Variants in PLCL1 observed in about 807,000 individuals in gnomAD.
PLCL1 encodes the protein inactive phospholipase C-like protein 1.
A neutral mutation model predicts 84.4 loss-of-function variants in PLCL1; 41 were observed. The ratio of observed to expected loss-of-function variants is 0.49; its 90% CI spans 0.38 to 0.63. The LOEUF (loss-of-function observed/expected upper bound fraction) is 0.63. Ranked by LOEUF, PLCL1 falls within the 30% of genes least tolerant of loss-of-function variation. The probability of loss-of-function intolerance (pLI) is 0.00; values close to 1 mark genes in which losing one functional copy is unlikely to be tolerated. For missense variants in PLCL1, 1,206 were observed against 1,367.8 expected (o/e 0.88, Z 1.87); for synonymous variants, 490 against 488.3 (o/e 1.00, Z -0.05).
At chr2:198,006,089 G>A (rs570413510) in intron 1 of PLCL1, among the ~76,000 whole-genome samples, 1 of 152,220 alleles carries the variant, frequency 6.6e-6, no homozygotes, top group Admixed American at 6.5e-5. Flanking sequence ...GAGAAAAGAG[G>A]GACAGTTCAC....
intron 1 of PLCL1, among the ~76,000 whole-genome samples, chr2:197,850,119 G>A (rs1687205969): frequency 6.6e-6 from 1 of 151,682 alleles, no homozygotes; most frequent in Admixed American, 6.6e-5. Context: ...CCAGGTAGTG[G>A]TATGCCCTTG....
chr2:197,894,289 G>A (rs900861899), intron 1 of PLCL1, among the ~76,000 whole-genome samples: 21 of 151,954 alleles, frequency 1.4e-4, no homozygotes, highest in Non-Finnish European at 2.9e-4. Context: ...AGCCTACAGT[G>A]CCTGTCACAG....
intron 1 of PLCL1, among the ~76,000 whole-genome samples, chr2:197,883,303 G>C (rs937489221): frequency 1.3e-5 from 2 of 152,150 alleles, no homozygotes; most frequent in Admixed American, 1.3e-4. Context: ...AATAAGACTT[G>C]CCTTACTAAT....
At chr2:198,028,589 A>G (rs944233657) in intron 1 of PLCL1, among the ~76,000 whole-genome samples, 2 of 152,186 alleles carry the variant, frequency 1.3e-5, no homozygotes, top group Admixed American at 6.5e-5. Flanking sequence ...TGACTAGAGT[A>G]AAAGTAGTTA....
At chr2:198,104,085 A>G (rs1383576340) in intron 5 of PLCL1, 149 bp downstream of exon 5, 4 of 473,088 alleles carry the variant, frequency 8.5e-6, no homozygotes, top group Non-Finnish European at 1.5e-5. Context: ...GGTTTGTTAT[A>G]TAGGTAAACT....
Position 198,084,171 on chromosome 2 carries a change from AC to A in PLCL1, c.655del (p.Arg219GlyfsTer26). 3 of 1,614,154 alleles carry A rather than the reference AC, an allele frequency of 1.9e-6. No homozygotes were observed. Among genetic ancestry groups the A allele is most frequent in the Non-Finnish European group, 1.7e-6 (2 of 1,180,004 alleles). On this transcript the variant is annotated frameshift_variant, in exon 2 of 6. Coordinates refer to ENST00000428675, the MANE Select transcript of PLCL1 (RefSeq NM_006226.4). LOFTEE classifies it high-confidence loss of function. ...TGGCAAACATCTGGGTGTCTGGGTT[AC>A]GGTACCTGGTTTCTCGAAGTAAGCA... ...DVANIWVSGLRYLVSRSKQPL... is the reference protein window; with the variant it reads ...DVANIWVSGLXYLVSRSKQPL...
chr2:197,978,436 G>C (rs140038339), intron 1 of PLCL1, among the ~76,000 whole-genome samples: 1 of 152,076 alleles, frequency 6.6e-6, no homozygotes, highest in Non-Finnish European at 1.5e-5. Flanking sequence ...CGAGATGGCG[G>C]CACTGCACTC....
intron 5 of PLCL1, among the ~76,000 whole-genome samples, chr2:198,109,570 G>A (rs890999091): frequency 6.6e-6 from 1 of 151,868 alleles, no homozygotes; most frequent in Non-Finnish European, 1.5e-5. Context: ...AATTTTGGAA[G>A]TGTTTCACTC....
rs188036892 is a variant in PLCL1, at chr2:197,888,683, A to G, written c.240+83344A>G. Reference sequence around the variant, plus strand: ...AGTTTTTATTACTGAACTATCTTGCATATTGGAATACAATACTTCAGGAAA... The same window carrying G: ...AGTTTTTATTACTGAACTATCTTGCGTATTGGAATACAATACTTCAGGAAA... On this transcript the variant is annotated intron_variant, in intron 1 of 5. Transcript: ENST00000428675. 7.9e-5 allele frequency among the ~76,000 whole-genome samples: 12 copies of G among 152,366 alleles called. No homozygotes were observed. In the East Asian group the frequency reaches 2.3e-3, roughly 29 times the overall value.
chr2:197,809,446 T>C (rs1690540195), intron 1 of PLCL1, among the ~76,000 whole-genome samples: 2 of 152,174 alleles, frequency 1.3e-5, no homozygotes, highest in African/African-American at 4.8e-5. Context: ...TTAGGTCCTA[T>C]GGTTTGTGGG....
chr2:197,978,882 GA>G (rs1690044202), intron 1 of PLCL1, among the ~76,000 whole-genome samples: 1 of 152,218 alleles, frequency 6.6e-6, no homozygotes, highest in Non-Finnish European at 1.5e-5. Flanking sequence ...AATAAGGGGA[GA>G]AAACCCATGC....
intron 1 of PLCL1, among the ~76,000 whole-genome samples, chr2:197,910,216 C>T: frequency 6.6e-6 from 1 of 152,234 alleles, no homozygotes; most frequent in Non-Finnish European, 1.5e-5. Context: ...ATTCATACTT[C>T]ATTTCCCTGG....
chr2:198,111,690 G>A (rs1037852468), intron 5 of PLCL1, among the ~76,000 whole-genome samples: 3 of 151,812 alleles, frequency 2.0e-5, no homozygotes, highest in African/African-American at 7.2e-5. Context: ...GGGGAAATGA[G>A]GCTCAGGAGG....
At chr2:198,073,191 C>T (rs1411467397) in intron 1 of PLCL1, among the ~76,000 whole-genome samples, 2 of 152,088 alleles carry the variant, frequency 1.3e-5, no homozygotes, top group Non-Finnish European at 2.9e-5. Flanking sequence ...TTTATTATCT[C>T]AAATAAAAAC....
intron 1 of PLCL1, among the ~76,000 whole-genome samples, chr2:198,059,616 A>G (rs753562413): frequency 3.3e-5 from 5 of 152,144 alleles, no homozygotes; most frequent in Non-Finnish European, 1.5e-5. Context: ...AGGGACGAGA[A>G]AGCTGAGAGA....
At chr2:198,098,459 G>A (rs1693253375) in intron 3 of PLCL1, among the ~76,000 whole-genome samples, 1 of 152,122 alleles carries the variant, frequency 6.6e-6, no homozygotes, top group Admixed American at 6.6e-5. Context: ...CTTGCAATAG[G>A]AATTCTACAC....
intron 1 of PLCL1, among the ~76,000 whole-genome samples, chr2:198,038,470 C>A (rs973398519): frequency 1.3e-5 from 2 of 151,986 alleles, no homozygotes; most frequent in Non-Finnish European, 2.9e-5. Flanking sequence ...AAGTTTACTA[C>A]TAGTGTATTT....
At chr2:197,893,369 A>G (rs916933575) in intron 1 of PLCL1, among the ~76,000 whole-genome samples, 1 of 152,224 alleles carries the variant, frequency 6.6e-6, no homozygotes, top group Non-Finnish European at 1.5e-5. Flanking sequence ...ATTCAGTGCC[A>G]TAGTATATTT....
At chr2:198,118,369 AAG>A (rs1431913471) in intron 5 of PLCL1, among the ~76,000 whole-genome samples, 1 of 151,846 alleles carries the variant, frequency 6.6e-6, no homozygotes, top group African/African-American at 2.4e-5. Context: ...TCTGGTCAGA[AAG>A]AGAGAGAGGG....
Sources: allele counts gnomAD v4.1 joint callset (sites outside exome capture counted in the v4.1 genomes callset), GRCh38; gene constraint gnomAD v4.1.1; transcripts MANE v1.5; gene names NCBI Gene and HGNC (gene_info 2026-07-23, HGNC 2026-07-21).